WIPF1: variants seen among roughly 807,000 people sequenced by gnomAD.
WIPF1 encodes the protein WAS/WASL interacting protein family member 1, also known as WAS/WASL-interacting protein family member 1.
A neutral mutation model predicts 35.4 loss-of-function variants in WIPF1; 13 were observed. That is an observed-to-expected ratio of 0.37 (90% CI 0.24 to 0.58). The LOEUF (loss-of-function observed/expected upper bound fraction) is 0.58, where lower values mean the gene tolerates loss of function less well. WIPF1 is among the 20% of genes least tolerant of loss of function. The pLI, the probability that WIPF1 is intolerant of heterozygous loss-of-function variation, is 0.74. For synonymous variants in WIPF1, 267 were observed against 266.3 expected, an observed-to-expected ratio of 1.00 and a Z score of -0.02; for missense variants, 591 against 667.0, an observed-to-expected ratio of 0.89 and a Z score of 1.25.
At position 174,585,598 on chromosome 2, in the gene WIPF1, T is replaced by A. The variant is rs189833563; in HGVS notation, c.-25A>T. On this transcript the variant is annotated 5_prime_UTR_variant, in exon 2 of 8. Coordinates refer to ENST00000679041, the MANE Select transcript of WIPF1 (RefSeq NM_001375834.1). ...TCTTGGGCAGTTATGCGTTCAACAGTCTTGCTGATAAATCTGGAAAAACAA... is the reference window on the plus strand; with the variant it reads ...TCTTGGGCAGTTATGCGTTCAACAGACTTGCTGATAAATCTGGAAAAACAA... 4.7e-5 allele frequency: 76 copies of A among 1,610,634 alleles called. No individual in the cohort carries two copies. In the African/African-American group the frequency reaches 8.8e-4, roughly 19 times the overall value.
rs543568026 is a variant in WIPF1, at chr2:174,681,292, T to C, written c.-39+1482A>G. ...ACAGGTGGCTGGGATTTGCAGACTA[T>C]AGCACCTCCAGGTCCCCGAGAAACT... On this transcript the variant is annotated intron_variant, in intron 1 of 8. Coordinates refer to the WIPF1 transcript ENST00000272746. Among the ~76,000 whole-genome samples, 3 of 152,280 alleles carry C rather than the reference T, an allele frequency of 2.0e-5. No homozygotes were observed. The South Asian group carries it at 6.2e-4, about 32-fold the overall frequency.
intron 1 of WIPF1, among the ~76,000 whole-genome samples, chr2:174,663,412 A>G (rs557899322): frequency 6.2e-4 from 95 of 152,348 alleles, no homozygotes; most frequent in Admixed American, 2.6e-3. Flanking sequence ...TTAACAGACC[A>G]GAGAGAAAGA....
chr2:174,564,856 T>C (rs1019483006), intron 7 of WIPF1, among the ~76,000 whole-genome samples: 3 of 130,002 alleles, frequency 2.3e-5, no homozygotes, highest in Non-Finnish European at 3.4e-5. Context: ...CACACACCAT[T>C]CAAAGATATC....
intron 1 of WIPF1, among the ~76,000 whole-genome samples, chr2:174,671,107 G>A (rs1283501483): frequency 6.6e-6 from 1 of 152,262 alleles, no homozygotes; most frequent in Admixed American, 6.5e-5. Context: ...GTGATAGATT[G>A]TTGCATGAAG....
intron 1 of WIPF1, chr2:174,655,378 T>C (rs1328894709): frequency 6.6e-6 from 1 of 152,178 alleles, no homozygotes; most frequent in Non-Finnish European, 1.5e-5. Flanking sequence ...AAAATCCTCT[T>C]CCCACCATGA....
intron 7 of WIPF1, among the ~76,000 whole-genome samples, chr2:174,565,336 T>G (rs571794455): frequency 2.6e-5 from 4 of 152,344 alleles, no homozygotes; most frequent in Admixed American, 6.5e-5. Context: ...AGCAGTAGTA[T>G]TCTGTTTTCT....
At chr2:174,644,864 T>C (rs1183688072) in intron 1 of WIPF1, among the ~76,000 whole-genome samples, 1 of 152,264 alleles carries the variant, frequency 6.6e-6, no homozygotes, top group Non-Finnish European at 1.5e-5. Flanking sequence ...TTTTCTTCTC[T>C]TTTAAAAAAT....
chr2:174,653,698 C>T (rs1337804146), intron 1 of WIPF1, among the ~76,000 whole-genome samples: 3 of 148,036 alleles, frequency 2.0e-5, no homozygotes, highest in South Asian at 2.1e-4. Context: ...GCCGAGATCA[C>T]GCCACTGCAC....
In WIPF1 at chr2:174,639,934, A is replaced by G. The variant is rs1003822196; in HGVS notation, c.-39+42840T>C. Among the ~76,000 whole-genome samples, 8 of 152,262 alleles carry G rather than the reference A, an allele frequency of 5.3e-5. No homozygotes were observed. The East Asian group carries it at 5.8e-4, about 11-fold the overall frequency. The stretch of plus-strand genomic sequence containing the variant: ...TTCATTCTTCTGCATGTCCTATCTA[A>G]AGCAATTAGGCAAGAGAAATAAATA... On this transcript the variant is annotated intron_variant, in intron 1 of 8. Coordinates refer to the WIPF1 transcript ENST00000272746.
intron 1 of WIPF1, among the ~76,000 whole-genome samples, chr2:174,681,130 T>C (rs1688236358): frequency 6.6e-6 from 1 of 151,814 alleles, no homozygotes; most frequent in African/African-American, 2.4e-5. Flanking sequence ...CCTCAAAGAG[T>C]TGATGTGTTT....
intron 1 of WIPF1, among the ~76,000 whole-genome samples, chr2:174,654,126 T>G (rs1281552518): frequency 6.6e-6 from 1 of 152,226 alleles, no homozygotes; most frequent in Admixed American, 6.5e-5. Context: ...ATCATTTAAA[T>G]TATTTATCCT....
intron 1 of WIPF1, among the ~76,000 whole-genome samples, chr2:174,623,665 C>T (rs1353176312): frequency 6.6e-6 from 1 of 152,120 alleles, no homozygotes; most frequent in African/African-American, 2.4e-5. Flanking sequence ...TGAATGTAGC[C>T]AACAAACTGC....
In WIPF1 at chr2:174,571,198, A is replaced by G; in HGVS notation, c.1129+478T>C. ...TTTTAAACATTAGTCTTTAATGAATAGGGAAATGGCCTCAAAGCCTGGCGA... is the reference window on the plus strand; with the variant it reads ...TTTTAAACATTAGTCTTTAATGAATGGGGAAATGGCCTCAAAGCCTGGCGA... On this transcript the variant is annotated intron_variant, in intron 5 of 7. Coordinates refer to ENST00000679041, the MANE Select transcript of WIPF1 (RefSeq NM_001375834.1). The surrounding 1 kb of genome is among the most constrained non-coding windows in gnomAD (Gnocchi z 4.6). The G allele has an allele frequency of 4.2e-6, 1 of 238,158 alleles. No individual in the cohort carries two copies. Among genetic ancestry groups the G allele is most frequent in the Non-Finnish European group, 8.2e-6 (1 of 122,184 alleles). 14.8% of individuals were successfully genotyped at this position (238,158 alleles called of 1,614,324 possible).
At chr2:174,569,596 G>C (rs1034109819) in intron 5 of WIPF1, among the ~76,000 whole-genome samples, 3 of 152,028 alleles carry the variant, frequency 2.0e-5, no homozygotes, top group African/African-American at 7.3e-5. Flanking sequence ...ATCCTGGCAG[G>C]CACAATAGAA....
At chr2:174,620,079 T>C (rs533718202) in intron 1 of WIPF1, among the ~76,000 whole-genome samples, 1 of 152,362 alleles carries the variant, frequency 6.6e-6, no homozygotes, top group Non-Finnish European at 1.5e-5. Flanking sequence ...CTATGCTCCT[T>C]AATAAAATGT....
At chr2:174,588,269 C>T (rs906799386) in intron 1 of WIPF1, among the ~76,000 whole-genome samples, 27 of 152,214 alleles carry the variant, frequency 1.8e-4, no homozygotes, top group African/African-American at 6.5e-4. Flanking sequence ...CATCCACGTG[C>T]TTGGTTGATG....
At chr2:174,668,905 G>C (rs775606915) in intron 1 of WIPF1, among the ~76,000 whole-genome samples, 10 of 152,178 alleles carry the variant, frequency 6.6e-5, no homozygotes, top group Admixed American at 3.3e-4. Flanking sequence ...CTGAAGCCAC[G>C]CTGCCTGGAC....
intron 1 of WIPF1, among the ~76,000 whole-genome samples, chr2:174,589,711 C>T (rs1685545744): frequency 6.6e-6 from 1 of 151,474 alleles, no homozygotes; most frequent in African/African-American, 2.4e-5. Flanking sequence ...GGCCACAAAC[C>T]ATAATATCTG....
intron 1 of WIPF1, among the ~76,000 whole-genome samples, chr2:174,674,303 T>C (rs1559179435): frequency 1.3e-5 from 2 of 152,242 alleles, no homozygotes; most frequent in African/African-American, 4.8e-5. Context: ...AGAACCTTTG[T>C]CTTCAGATTT....
Sources: allele counts gnomAD v4.1 joint callset (sites outside exome capture counted in the v4.1 genomes callset), GRCh38; gene constraint gnomAD v4.1.1; non-coding constraint Gnocchi (gnomAD v3.1); transcripts MANE v1.5; gene names NCBI Gene and HGNC (gene_info 2026-07-23, HGNC 2026-07-21).